RB1CC1: variants seen among roughly 807,000 people sequenced by gnomAD.
RB1CC1 encodes RB1-inducible coiled-coil protein 1.
Under a neutral mutation model 177.5 loss-of-function variants are expected in RB1CC1, and 46 were observed. The ratio of observed to expected loss-of-function variants is 0.26; its 90% CI spans 0.20 to 0.33. RB1CC1 has a LOEUF of 0.33. Ranked by LOEUF, RB1CC1 falls within the 10% of genes least tolerant of loss-of-function variation. The probability of loss-of-function intolerance (pLI) is 1.00; values close to 1 mark genes in which losing one functional copy is unlikely to be tolerated. For missense variants in RB1CC1, 1,703 were observed against 1,816.3 expected (o/e 0.94, Z 1.13); for synonymous variants, 666 against 613.6 (o/e 1.09, Z -1.26).
At chr8:52,626,891 A>G (rs1250423375) in intron 22 of RB1CC1, among the ~76,000 whole-genome samples, 1 of 152,110 alleles carries the variant, frequency 6.6e-6, no homozygotes, top group Non-Finnish European at 1.5e-5. Context: ...CTACAAAACA[A>G]AACAAAAAAT....
At chr8:52,630,083 TAATAA>T (rs1321205541) in intron 21 of RB1CC1, among the ~76,000 whole-genome samples, 1 of 152,124 alleles carries the variant, frequency 6.6e-6, no homozygotes, top group African/African-American at 2.4e-5. Context: ...TGTAGAATAT[TAATAA>T]AATGAAATCT....
chr8:52,647,331 GAA>G (rs1317189269), intron 15 of RB1CC1, among the ~76,000 whole-genome samples: 1 of 152,058 alleles, frequency 6.6e-6, no homozygotes. Context: ...GCTGGAATAG[GAA>G]TCCCCTATTT....
chr8:52,705,661 T>C lies in RB1CC1; in HGVS notation c.-167+8414A>G, dbSNP rs529976869. On this transcript the variant is annotated intron_variant, in intron 1 of 23. Transcript: ENST00000025008. ...ATTATACCATCACTTTTTAAAATGA[T>C]GAATTTAAAAACTATCAATGGAGGT... Among the ~76,000 whole-genome samples the C allele has an allele frequency of 5.3e-5, 8 of 152,296 alleles. No individual in the cohort carries two copies. In the South Asian group the frequency reaches 1.7e-3, roughly 32 times the overall value.
chr8:52,626,542 T>C (rs576923718), intron 22 of RB1CC1, among the ~76,000 whole-genome samples: 1 of 152,262 alleles, frequency 6.6e-6, no homozygotes, highest in African/African-American at 2.4e-5. Flanking sequence ...CAGATGAATC[T>C]GGGTAAAGAA....
At chr8:52,670,381 G>C (rs1041081523) in intron 7 of RB1CC1, among the ~76,000 whole-genome samples, 1 of 152,148 alleles carries the variant, frequency 6.6e-6, no homozygotes, top group Non-Finnish European at 1.5e-5. Context: ...TTAACAGTCA[G>C]TGATACATTA....
chr8:52,664,844 G>C (rs1419850253), intron 8 of RB1CC1, among the ~76,000 whole-genome samples: 2 of 152,052 alleles, frequency 1.3e-5, no homozygotes, highest in Non-Finnish European at 2.9e-5. Context: ...TAGACTTGAG[G>C]GCAATATCAG....
intron 7 of RB1CC1, among the ~76,000 whole-genome samples, chr8:52,671,851 T>C (rs1433045600): frequency 6.6e-6 from 1 of 152,078 alleles, no homozygotes; most frequent in Non-Finnish European, 1.5e-5. Context: ...CTACTCCTCC[T>C]GATAGAGTAA....
At chr8:52,684,783 T>C (rs944303448) in intron 3 of RB1CC1, among the ~76,000 whole-genome samples, 5 of 152,082 alleles carry the variant, frequency 3.3e-5, no homozygotes, top group South Asian at 2.1e-4. Context: ...CTGTGAAAAA[T>C]AGAATAGCAA....
intron 20 of RB1CC1, among the ~76,000 whole-genome samples, chr8:52,633,458 C>T (rs1266475414): frequency 6.6e-6 from 1 of 152,062 alleles, no homozygotes; most frequent in Non-Finnish European, 1.5e-5. Flanking sequence ...CTGAGATAGA[C>T]CATTCTTCTA....
At chr8:52,640,249 A>G (rs1435355588) in intron 18 of RB1CC1, among the ~76,000 whole-genome samples, 2 of 152,166 alleles carry the variant, frequency 1.3e-5, no homozygotes, top group South Asian at 2.1e-4. Flanking sequence ...GGCTGGGGAG[A>G]GTACAGAGGA....
intron 7 of RB1CC1, 109 bp downstream of exon 7, chr8:52,673,736 T>C: frequency 1.9e-6 from 2 of 1,062,536 alleles, no homozygotes; most frequent in Non-Finnish European, 2.6e-6. Context: ...CCAAGACTCA[T>C]TTATTTCTAC....
chr8:52,633,859 C>G (rs1417645611), intron 20 of RB1CC1, among the ~76,000 whole-genome samples: 1 of 152,136 alleles, frequency 6.6e-6, no homozygotes, highest in East Asian at 1.9e-4. Flanking sequence ...GAGGCTGAGG[C>G]AGGCGGATCG....
At chr8:52,664,758 C>T (rs57646955) in intron 8 of RB1CC1, among the ~76,000 whole-genome samples, 7,725 of 152,172 alleles carry the variant, frequency 0.051, 675 homozygotes, top group African/African-American at 0.18. Flanking sequence ...TTTGAGAAAA[C>T]AGTATTATCA....
chr8:52,624,173 A>G (rs1205323284), intron 23 of RB1CC1, among the ~76,000 whole-genome samples: 1 of 151,904 alleles, frequency 6.6e-6, no homozygotes, highest in East Asian at 1.9e-4. Flanking sequence ...TTAAGTATCA[A>G]AGAAACCTCA....
chr8:52,663,554 T>C (rs1851809220), intron 8 of RB1CC1, among the ~76,000 whole-genome samples: 1 of 152,190 alleles, frequency 6.6e-6, no homozygotes, highest in South Asian at 2.1e-4. Context: ...GCTATGTAGC[T>C]AGAATGTATT....
At chr8:52,698,891 A>C (rs1158864516) in intron 1 of RB1CC1, among the ~76,000 whole-genome samples, 1 of 151,338 alleles carries the variant, frequency 6.6e-6, no homozygotes, top group Non-Finnish European at 1.5e-5. Flanking sequence ...GGGTTTCGCC[A>C]TGTTGGCTAG....
At chr8:52,713,733 G>C (rs1209755740) in intron 1 of RB1CC1, among the ~76,000 whole-genome samples, 1 of 152,242 alleles carries the variant, frequency 6.6e-6, no homozygotes, top group African/African-American at 2.4e-5. Flanking sequence ...ACTAGGCCGG[G>C]TACTAAGCGG....
chr8:52,693,344 G>A (rs909480672), intron 1 of RB1CC1, among the ~76,000 whole-genome samples: 2 of 152,072 alleles, frequency 1.3e-5, no homozygotes, highest in Non-Finnish European at 2.9e-5. Context: ...CAACCTACGG[G>A]ATGGAAGAAA....
intron 1 of RB1CC1, among the ~76,000 whole-genome samples, chr8:52,700,671 G>A (rs1855971500): frequency 6.6e-6 from 1 of 152,180 alleles, no homozygotes. Context: ...AACAATGTCT[G>A]ATATGACCAC....
Sources: gnomAD v4.1 joint callset for allele counts (sites outside exome capture counted in the v4.1 genomes callset) on GRCh38, gnomAD v4.1.1 for gene constraint, MANE v1.5 for transcripts, NCBI Gene and HGNC (gene_info 2026-07-23, HGNC 2026-07-21) for gene names.